The following MC2R variants were observed in gnomAD, a reference collection of about 807,000 sequenced individuals.
The protein encoded by MC2R is adrenocorticotropic hormone receptor.
In MC2R, 9 loss-of-function variants were observed where a neutral mutation model predicts 9.8. The ratio of observed to expected loss-of-function variants is 0.92; its 90% CI spans 0.55 to 1.60. MC2R has a LOEUF of 1.60. MC2R is among the 40% of genes most tolerant of loss of function. The pLI is 0.00. For missense variants in MC2R, 370 were observed against 389.0 expected (o/e 0.95, Z 0.41); for synonymous variants, 185 against 154.7 (o/e 1.20, Z -1.45).
intron 1 of MC2R, among the ~76,000 whole-genome samples, chr18:13,897,976 C>T (rs2045356677): frequency 6.6e-6 from 1 of 151,944 alleles, no homozygotes; most frequent in African/African-American, 2.4e-5. Context: ...GAGATTCCTT[C>T]TGCTTGAGAA....
intron 1 of MC2R, among the ~76,000 whole-genome samples, chr18:13,895,744 T>C (rs1312206269): frequency 6.6e-6 from 1 of 152,138 alleles, no homozygotes; most frequent in Non-Finnish European, 1.5e-5. Context: ...GTTAGCACCC[T>C]GGGAAGGCTG....
intron 1 of MC2R, among the ~76,000 whole-genome samples, chr18:13,890,276 T>C (rs895855496): frequency 6.6e-5 from 10 of 152,154 alleles, no homozygotes; most frequent in Admixed American, 5.2e-4. Flanking sequence ...GGCTGTGTTT[T>C]TGGGGTTCCG....
chr18:13,902,723 C>T (rs1441790622), intron 1 of MC2R, among the ~76,000 whole-genome samples: 1 of 152,136 alleles, frequency 6.6e-6, no homozygotes, highest in Non-Finnish European at 1.5e-5. Context: ...TATAAGACCT[C>T]AAACTATGAA....
At chr18:13,901,761 G>T (rs893275651) in intron 1 of MC2R, among the ~76,000 whole-genome samples, 1 of 152,050 alleles carries the variant, frequency 6.6e-6, no homozygotes, top group Non-Finnish European at 1.5e-5. Flanking sequence ...GTAAAGAAAA[G>T]CCTGTGACCT....
intron 1 of MC2R, among the ~76,000 whole-genome samples, chr18:13,909,978 A>T (rs904205560): frequency 6.6e-6 from 1 of 152,144 alleles, no homozygotes; most frequent in Non-Finnish European, 1.5e-5. Context: ...TTTTCATGTT[A>T]TATCTAAAAA....
intron 1 of MC2R, among the ~76,000 whole-genome samples, chr18:13,898,901 G>T (rs1201719074): frequency 1.3e-5 from 2 of 152,126 alleles, no homozygotes; most frequent in Non-Finnish European, 2.9e-5. Context: ...CCAAGGACTG[G>T]TACAAACAAG....
intron 1 of MC2R, among the ~76,000 whole-genome samples, chr18:13,896,744 G>A (rs1211580639): frequency 1.3e-5 from 2 of 152,166 alleles, no homozygotes; most frequent in Admixed American, 6.5e-5. Flanking sequence ...TTATGACTCA[G>A]TGGCCTTGAA....
At chr18:13,905,201 A>G (rs2045405838) in intron 1 of MC2R, among the ~76,000 whole-genome samples, 1 of 152,182 alleles carries the variant, frequency 6.6e-6, no homozygotes, top group Admixed American at 6.5e-5. Context: ...GAAAAAAACA[A>G]CCCCACCAAA....
chr18:13,900,842 A>C (rs1419109378), intron 1 of MC2R, among the ~76,000 whole-genome samples: 1 of 152,172 alleles, frequency 6.6e-6, no homozygotes, highest in Admixed American at 6.5e-5. Context: ...CAGATCTTCA[A>C]GGCAGAAAAT....
chr18:13,908,706 T>TTTGTGTGTGTGTGTG (rs374040158), intron 1 of MC2R, among the ~76,000 whole-genome samples: 3,450 of 142,618 alleles, frequency 0.024, 88 homozygotes, highest in Admixed American at 0.054. Flanking sequence ...CAGGAGCTTC[T>TTTGTGTGTGTGTGTG]TGTGTGTGTG....
intron 1 of MC2R, 60 bp from the exon 2 acceptor site, chr18:13,885,706 A>T: frequency 3.1e-6 from 2 of 635,104 alleles, no homozygotes; most frequent in Admixed American, 6.0e-5. Flanking sequence ...AAAACCAGCC[A>T]CACTCGCTTA....
chr18:13,899,280 A>T (rs1321809816), intron 1 of MC2R, among the ~76,000 whole-genome samples: 1 of 152,180 alleles, frequency 6.6e-6, no homozygotes, highest in East Asian at 1.9e-4. Flanking sequence ...AGAATTAATG[A>T]GCATGAATAC....
intron 1 of MC2R, among the ~76,000 whole-genome samples, chr18:13,905,301 C>A (rs1423130992): frequency 6.6e-6 from 1 of 152,172 alleles, no homozygotes; most frequent in African/African-American, 2.4e-5. Flanking sequence ...TCCTGGCCAA[C>A]ATGGTGAAAC....
chr18:13,895,177 T>A (rs1477379455), intron 1 of MC2R, among the ~76,000 whole-genome samples: 1 of 152,248 alleles, frequency 6.6e-6, no homozygotes, highest in Non-Finnish European at 1.5e-5. Context: ...CAGCCTGTGC[T>A]TCTAAACAAA....
intron 1 of MC2R, among the ~76,000 whole-genome samples, chr18:13,892,685 A>G (rs932772868): frequency 1.3e-5 from 2 of 152,092 alleles, no homozygotes; most frequent in Admixed American, 1.3e-4. Flanking sequence ...ATGTCTTGAC[A>G]CCCCATGGTT....
intron 1 of MC2R, among the ~76,000 whole-genome samples, chr18:13,900,031 A>C (rs983495617): frequency 1.3e-5 from 2 of 152,176 alleles, no homozygotes; most frequent in Non-Finnish European, 2.9e-5. Flanking sequence ...AATCAATAAA[A>C]TATAATAACT....
intron 1 of MC2R, among the ~76,000 whole-genome samples, chr18:13,912,901 G>A (rs996650206): frequency 2.6e-5 from 4 of 152,096 alleles, no homozygotes; most frequent in African/African-American, 7.2e-5. Context: ...AGGCCTTCAA[G>A]GGAGCCTTAT....
intron 1 of MC2R, among the ~76,000 whole-genome samples, chr18:13,904,330 G>GAGAT (rs1305067506): frequency 1.4e-5 from 2 of 146,656 alleles, no homozygotes. Context: ...GCAGTGAGCT[G>GAGAT]AGATAGCACC....
chr18:13,890,696 G>T (rs1232738064), intron 1 of MC2R, among the ~76,000 whole-genome samples: 2 of 152,146 alleles, frequency 1.3e-5, no homozygotes, highest in Non-Finnish European at 2.9e-5. Flanking sequence ...ATACACTTAT[G>T]TCTGTGTGTC....
Sources: allele counts gnomAD v4.1 joint callset (sites outside exome capture counted in the v4.1 genomes callset), GRCh38; gene constraint gnomAD v4.1.1; transcripts MANE v1.5; gene names NCBI Gene and HGNC (gene_info 2026-07-23, HGNC 2026-07-21).